SFMBT2: variants seen among roughly 807,000 people sequenced by gnomAD.
SFMBT2 encodes Scm like with four mbt domains 2, also known as scm-like with four MBT domains protein 2.
Under a neutral mutation model 110.1 loss-of-function variants are expected in SFMBT2, and 38 were observed. That is an observed-to-expected ratio of 0.35 (90% CI 0.27 to 0.45). The LOEUF is 0.45. Ranked by LOEUF, SFMBT2 falls within the 20% of genes least tolerant of loss-of-function variation. SFMBT2 has a pLI of 1.00. For missense variants in SFMBT2, 1,011 were observed against 1,094.9 expected (o/e 0.92, Z 1.08); for synonymous variants, 425 against 425.4 (o/e 1.00, Z 0.01).
chr10:7,335,629 A>T (rs1485729532), intron 4 of SFMBT2, among the ~76,000 whole-genome samples: 1 of 147,862 alleles, frequency 6.8e-6, no homozygotes, highest in East Asian at 2.0e-4. Flanking sequence ...ACAACCATAT[A>T]CATAAATTGC....
intron 20 of SFMBT2, among the ~76,000 whole-genome samples, chr10:7,169,797 C>G (rs1588759668): frequency 6.6e-6 from 1 of 152,150 alleles, no homozygotes; most frequent in Non-Finnish European, 1.5e-5. Flanking sequence ...AATAAAAACC[C>G]TCTCTTCTTC....
At position 7,303,755 on chromosome 10, in the gene SFMBT2, C is replaced by A. The variant is rs931371830; in HGVS notation, c.437-17801G>T. Among the ~76,000 whole-genome samples, 5 of 151,984 alleles carry A rather than the reference C, an allele frequency of 3.3e-5. No homozygotes were observed. The East Asian group carries it at 9.6e-4, about 29-fold the overall frequency. On this transcript the variant is annotated intron_variant, in intron 4 of 20. Transcript: ENST00000397167. ...CTTATTTCTTTAGAATATTTTCTGC[C>A]GGAAGAGAAAGGGAGAAGCAATATT... is the stretch of plus-strand genomic sequence containing the variant.
rs1395449599 is a variant in SFMBT2, at chr10:7,163,413, G to T, written c.*357C>A. On this transcript the variant is annotated 3_prime_UTR_variant, in exon 21 of 21. Coordinates refer to ENST00000397167, the MANE Select transcript of SFMBT2 (RefSeq NM_001387889.1). This position sits in a 1 kb window ranked among gnomAD's most constrained non-coding sequence, Gnocchi z 4.8. ...CATGGCGTGAGGTTTCTTCCTTGGC[G>T]ACATTCTTTGTTTTCAAAGAATGCA... The T allele has an allele frequency of 5.0e-6, 1 of 198,926 alleles. No homozygotes were observed. The highest frequency in any genetic ancestry group is 1.0e-5 in the Non-Finnish European group (1 of 98,100). 12.3% of individuals were successfully genotyped at this position (198,926 alleles called of 1,614,324 possible).
At chr10:7,279,500 C>A (rs1026665423) in intron 6 of SFMBT2, among the ~76,000 whole-genome samples, 5 of 152,174 alleles carry the variant, frequency 3.3e-5, no homozygotes, top group Non-Finnish European at 7.3e-5. Flanking sequence ...GAACAACAGT[C>A]CCCATGTGCA....
chr10:7,339,940 G>A (rs967057852), intron 4 of SFMBT2, among the ~76,000 whole-genome samples: 3 of 152,192 alleles, frequency 2.0e-5, no homozygotes, highest in African/African-American at 7.2e-5. Flanking sequence ...AGCAGGATGA[G>A]CTAGTTTCTA....
intron 1 of SFMBT2, among the ~76,000 whole-genome samples, chr10:7,407,965 G>A (rs752319620): frequency 6.6e-6 from 1 of 152,126 alleles, no homozygotes; most frequent in South Asian, 2.1e-4. Context: ...GCCCAGTCTC[G>A]GCTCCTCCCT....
chr10:7,220,378 C>A, intron 11 of SFMBT2, 33 bp downstream of exon 11: 2 of 1,603,402 alleles, frequency 1.2e-6, no homozygotes, highest in South Asian at 1.1e-5. Context: ...TCTACATTCC[C>A]CCCAGCGACT....
intron 4 of SFMBT2, among the ~76,000 whole-genome samples, chr10:7,361,622 G>T (rs564825412): frequency 1.3e-5 from 2 of 152,298 alleles, no homozygotes; most frequent in South Asian, 2.1e-4. Flanking sequence ...CACTAATTTT[G>T]ATTTAACTTT....
At chr10:7,320,490 AT>A in intron 4 of SFMBT2, 3 of 639,020 alleles carry the variant, frequency 4.7e-6, no homozygotes, top group Non-Finnish European at 5.8e-6. Flanking sequence ...CTTTCCTTCT[AT>A]TTTTTTCCTG....
rs979018077 is a variant in SFMBT2, at chr10:7,277,362, C to A, written c.773-373G>T. 4 of 226,512 alleles carry A rather than the reference C, an allele frequency of 1.8e-5. No individual in the cohort carries two copies. The Admixed American group carries it at 2.7e-4, about 15-fold the overall frequency. 14.0% of individuals were successfully genotyped at this position (226,512 alleles called of 1,614,324 possible). ...GAAAGCAATGCCCACTGATGAGGAA[C>A]TTATTATCTGATACATTTCTAAACT... On this transcript the variant is annotated intron_variant, in intron 6 of 20. Coordinates refer to ENST00000397167, the MANE Select transcript of SFMBT2 (RefSeq NM_001387889.1).
chr10:7,317,622 C>T (rs1485342858), intron 4 of SFMBT2, among the ~76,000 whole-genome samples: 4 of 51,270 alleles, frequency 7.8e-5, no homozygotes, highest in Non-Finnish European at 1.4e-4. Flanking sequence ...GCCTGGGCAA[C>T]AAGAACAAAA....
At chr10:7,263,672 G>A (rs760528716) in intron 7 of SFMBT2, among the ~76,000 whole-genome samples, 3 of 152,232 alleles carry the variant, frequency 2.0e-5, no homozygotes, top group Non-Finnish European at 4.4e-5. Flanking sequence ...ATGGGCTTAA[G>A]GCAAATGCCT....
chr10:7,348,326 ACT>A (rs1844184522), intron 4 of SFMBT2: 4 of 1,525,266 alleles, frequency 2.6e-6, no homozygotes, highest in Non-Finnish European at 3.5e-6. Context: ...GCTTGACATC[ACT>A]CTCTACTACA....
At position 7,356,779 on chromosome 10, in the gene SFMBT2, C is replaced by T. The variant is rs547809723; in HGVS notation, c.436+10870G>A. Among the ~76,000 whole-genome samples, 3 of 152,292 alleles carry T rather than the reference C, an allele frequency of 2.0e-5. No individual in the cohort carries two copies. In the South Asian group the frequency reaches 6.2e-4, roughly 32 times the overall value. On this transcript the variant is annotated intron_variant, in intron 4 of 20. Coordinates refer to ENST00000397167, the MANE Select transcript of SFMBT2 (RefSeq NM_001387889.1). ...GTACCCGGAAGTACATCCTCATTAG[C>T]AAAATCTCTTGTAAGTAATCCCAGT...
chr10:7,201,041 T>C (rs1838939435), intron 13 of SFMBT2: 1 of 155,482 alleles, frequency 6.4e-6, no homozygotes, highest in African/African-American at 2.4e-5. Flanking sequence ...AAAATGTTGC[T>C]GAATAAATAT....
chr10:7,196,840 C>T (rs770116879), intron 15 of SFMBT2, among the ~76,000 whole-genome samples: 1 of 152,140 alleles, frequency 6.6e-6, no homozygotes, highest in Admixed American at 6.5e-5. Context: ...TCCAAATTTC[C>T]AATCTGTCTC....
chr10:7,261,509 G>A (rs1028862155), intron 7 of SFMBT2, among the ~76,000 whole-genome samples: 22 of 152,190 alleles, frequency 1.4e-4, no homozygotes, highest in Non-Finnish European at 2.8e-4. Context: ...CAGGCGAAAT[G>A]ACCAAATGTT....
intron 4 of SFMBT2, among the ~76,000 whole-genome samples, chr10:7,361,789 T>C (rs931196091): frequency 1.3e-5 from 2 of 152,150 alleles, no homozygotes; most frequent in Admixed American, 6.5e-5. Context: ...CATAAATACG[T>C]CTCCATTTAC....
chr10:7,247,345 G>A (rs549691409), intron 8 of SFMBT2, among the ~76,000 whole-genome samples: 2 of 152,130 alleles, frequency 1.3e-5, no homozygotes, highest in Non-Finnish European at 2.9e-5. Context: ...TCAAACTCCT[G>A]ACCTCAGGTG....
Sources: gnomAD v4.1 joint callset for allele counts (sites outside exome capture counted in the v4.1 genomes callset) on GRCh38, gnomAD v4.1.1 for gene constraint, Gnocchi (gnomAD v3.1) non-coding constraint, MANE v1.5 for transcripts, NCBI Gene and HGNC (gene_info 2026-07-23, HGNC 2026-07-21) for gene names.